Variants in LRMDA observed in about 807,000 individuals in gnomAD.
The protein encoded by LRMDA is leucine rich melanocyte differentiation associated.
A neutral mutation model predicts 29.8 loss-of-function variants in LRMDA; 18 were observed. The ratio of observed to expected loss-of-function variants is 0.60; its 90% CI spans 0.42 to 0.90. The LOEUF (loss-of-function observed/expected upper bound fraction) is 0.90. Among genes scored for constraint, LRMDA ranks in the 40% least tolerant of loss-of-function variants. The probability of loss-of-function intolerance (pLI) is 0.00; values close to 1 mark genes in which losing one functional copy is unlikely to be tolerated. For missense variants in LRMDA, 273 were observed against 273.9 expected, an observed-to-expected ratio of 1.00 and a Z score of 0.02; for synonymous variants, 125 against 109.4, an observed-to-expected ratio of 1.14 and a Z score of -0.89.
chr10:75,495,597 C>T (rs10762669), intron 2 of LRMDA, among the ~76,000 whole-genome samples: 38,026 of 152,108 alleles, frequency 0.25, 4,944 homozygotes, highest in African/African-American at 0.32. Flanking sequence ...CTAGAAACTT[C>T]CCTCCCCTTC....
At chr10:76,219,482 C>G (rs1851789818) in intron 5 of LRMDA, among the ~76,000 whole-genome samples, 1 of 152,114 alleles carries the variant, frequency 6.6e-6, no homozygotes, top group South Asian at 2.1e-4. Context: ...TCTGATAAAA[C>G]AGACTTTAAA....
At chr10:75,644,729 G>T (rs1281065299) in intron 2 of LRMDA, among the ~76,000 whole-genome samples, 1 of 152,098 alleles carries the variant, frequency 6.6e-6, no homozygotes, top group Non-Finnish European at 1.5e-5. Flanking sequence ...TCTATCCACT[G>T]CATGCCGCCA....
chr10:75,460,742 A>G (rs1844574725), intron 2 of LRMDA, among the ~76,000 whole-genome samples: 1 of 151,900 alleles, frequency 6.6e-6, no homozygotes, highest in Admixed American at 6.6e-5. Flanking sequence ...TTAATGTCTC[A>G]TGATTTTTTT....
chr10:76,180,115 C>T (rs192223965), intron 5 of LRMDA, among the ~76,000 whole-genome samples: 40 of 151,532 alleles, frequency 2.6e-4, no homozygotes, highest in African/African-American at 9.0e-4. Context: ...GCGTTAGTTT[C>T]GATTTTGGGT....
At chr10:76,309,942 G>A (rs1589421703) in intron 5 of LRMDA, among the ~76,000 whole-genome samples, 2 of 152,242 alleles carry the variant, frequency 1.3e-5, no homozygotes, top group South Asian at 4.1e-4. Context: ...CATTCATCAC[G>A]CTTCCTAATG....
intron 5 of LRMDA, among the ~76,000 whole-genome samples, chr10:76,076,433 C>A (rs899446812): frequency 6.9e-6 from 1 of 144,450 alleles, no homozygotes; most frequent in South Asian, 2.3e-4. Flanking sequence ...TTTAATTTTT[C>A]TGCATATTTT....
chr10:75,655,681 G>C (rs1409548328), intron 2 of LRMDA, among the ~76,000 whole-genome samples: 1 of 152,202 alleles, frequency 6.6e-6, no homozygotes, highest in East Asian at 1.9e-4. Flanking sequence ...CAGTATGCTA[G>C]AGTGACTGAT....
At chr10:75,831,146 C>T (rs538413757) in intron 2 of LRMDA, among the ~76,000 whole-genome samples, 6 of 152,028 alleles carry the variant, frequency 3.9e-5, no homozygotes, top group Non-Finnish European at 5.9e-5. Context: ...CCTGGGTTCA[C>T]GCCATTCTTC....
At chr10:75,593,433 TG>T (rs1840747054) in intron 2 of LRMDA, among the ~76,000 whole-genome samples, 1 of 152,228 alleles carries the variant, frequency 6.6e-6, no homozygotes, top group South Asian at 2.1e-4. Flanking sequence ...TATACCTTTG[TG>T]GGGCTGCCAC....
chr10:75,581,719 G>GGACAT (rs1379829726), intron 2 of LRMDA, among the ~76,000 whole-genome samples: 1 of 150,014 alleles, frequency 6.7e-6, no homozygotes, highest in East Asian at 2.0e-4. Flanking sequence ...TCAATTGTAA[G>GGACAT]TGGGAGTTGA....
At chr10:76,515,792 C>G (rs149533493) in intron 6 of LRMDA, among the ~76,000 whole-genome samples, 88 of 152,280 alleles carry the variant, frequency 5.8e-4, no homozygotes, top group African/African-American at 2.0e-3. Context: ...CCGTGAGGCA[C>G]CATGCCCAGC....
At chr10:76,359,378 T>C (rs1359551582) in intron 6 of LRMDA, among the ~76,000 whole-genome samples, 2 of 152,116 alleles carry the variant, frequency 1.3e-5, no homozygotes, top group African/African-American at 2.4e-5. Flanking sequence ...TATGAGACAT[T>C]CATTAACTTC....
At chr10:75,599,231 A>G (rs1269925806) in intron 2 of LRMDA, among the ~76,000 whole-genome samples, 6 of 152,228 alleles carry the variant, frequency 3.9e-5, no homozygotes, top group Non-Finnish European at 8.8e-5. Context: ...CAGCTGTCCA[A>G]AACATGACAG....
chr10:76,240,742 A>G (rs1218559378), intron 5 of LRMDA, among the ~76,000 whole-genome samples: 1 of 150,794 alleles, frequency 6.6e-6, no homozygotes, highest in Non-Finnish European at 1.5e-5. Flanking sequence ...CCATTAATCA[A>G]TGAGTGGATA....
chr10:75,656,744 A>G lies in LRMDA; in HGVS notation c.131+218250A>G, dbSNP rs533388461. Among the ~76,000 whole-genome samples the G allele has an allele frequency of 7.2e-5, 11 of 152,320 alleles. No homozygotes were observed. The East Asian group carries it at 1.7e-3, about 24-fold the overall frequency. On this transcript the variant is annotated intron_variant, in intron 2 of 6. Transcript: ENST00000611255. ...CCTCTGTTAAGAGATTAGAATCTTA[A>G]TCCTAAATGATATTTCATGGCCTAA...
At chr10:76,226,532 G>A (rs1023088830) in intron 5 of LRMDA, among the ~76,000 whole-genome samples, 5 of 152,104 alleles carry the variant, frequency 3.3e-5, no homozygotes, top group African/African-American at 9.7e-5. Context: ...GCAGTGACCC[G>A]AGATCACGCC....
chr10:75,992,424 T>C (rs1024435106), intron 2 of LRMDA, among the ~76,000 whole-genome samples: 2 of 152,178 alleles, frequency 1.3e-5, no homozygotes, highest in African/African-American at 4.8e-5. Context: ...AGTTTCCCTA[T>C]TTCTGTGTGT....
chr10:75,755,504 T>C (rs1364472385), intron 2 of LRMDA, among the ~76,000 whole-genome samples: 1 of 152,190 alleles, frequency 6.6e-6, no homozygotes, highest in Non-Finnish European at 1.5e-5. Context: ...GACAAAGGTA[T>C]AAACAAGACA....
At chr10:76,341,036 C>CA (rs1276530264) in intron 6 of LRMDA, among the ~76,000 whole-genome samples, 1 of 152,016 alleles carries the variant, frequency 6.6e-6, no homozygotes, top group African/African-American at 2.4e-5. Context: ...AATTATAAGG[C>CA]AAAACCTAAT....
Sources: allele counts gnomAD v4.1 joint callset (sites outside exome capture counted in the v4.1 genomes callset), GRCh38; gene constraint gnomAD v4.1.1; transcripts MANE v1.5; gene names NCBI Gene and HGNC (gene_info 2026-07-23, HGNC 2026-07-21).